The following RYR3 variants were observed in gnomAD, a reference collection of about 807,000 sequenced individuals.
RYR3 encodes ryanodine receptor 3.
RYR3 carries 207 observed loss-of-function variants against 584.3 expected under a neutral mutation model. That is an observed-to-expected ratio of 0.35 (90% CI 0.32 to 0.40). RYR3 has a LOEUF of 0.40. Among genes scored for constraint, RYR3 ranks in the 10% least tolerant of loss-of-function variants. The pLI, the probability that RYR3 is intolerant of heterozygous loss-of-function variation, is 1.00. For synonymous variants in RYR3, 2,416 were observed against 2,248.5 expected, an observed-to-expected ratio of 1.07 and a Z score of -2.11; for missense variants, 5,616 against 6,089.2, an observed-to-expected ratio of 0.92 and a Z score of 2.59.
chr15:33,812,594 G>T (rs1220821329), intron 72 of RYR3, among the ~76,000 whole-genome samples: 1 of 152,140 alleles, frequency 6.6e-6, no homozygotes. Flanking sequence ...TTATAAATTA[G>T]AAGAGTGCTT....
In RYR3 at chr15:33,662,600, T is replaced by G; in HGVS notation, c.5070T>G (p.Ser1690Arg). Residue 1690 changes from serine to arginine, a missense_variant, in exon 35 of 104, where the codon AGT (serine) becomes AGG (arginine). Around this residue, in one of 9 missense-constraint regions of RYR3, gnomAD observed 753 missense variants for 741.0 expected, o/e 1.02. Coordinates refer to ENST00000634891, the MANE Select transcript of RYR3 (RefSeq NM_001036.6). ...QKQSPEIPLE[S>R]LRTKALSMLT... is the part of the protein sequence containing the mutation. ...AGAGCCCCGAGATTCCCTTGGAGAGTCTCAGGACGAAGGCTCTGAGTATGC... is the reference window on the plus strand; with the variant it reads ...AGAGCCCCGAGATTCCCTTGGAGAGGCTCAGGACGAAGGCTCTGAGTATGC... 6.2e-7 allele frequency: 1 copy of G among 1,613,554 alleles called. No individual in the cohort carries two copies. The highest frequency in any genetic ancestry group is 8.5e-7 in the Non-Finnish European group (1 of 1,179,780).
In RYR3 at chr15:33,843,675, A is replaced by G. The variant is rs919478495; in HGVS notation, c.13296+101A>G. The G allele has an allele frequency of 4.7e-6, 4 of 845,168 alleles. No individual in the cohort carries two copies. In the Admixed American group the frequency reaches 6.8e-5, roughly 14 times the overall value. The allele number at this position is 845,168 out of a possible 1,614,324, so 52.4% of individuals were successfully genotyped here. A position where few individuals can be genotyped will look rare whatever the true frequency, so the allele number is the denominator to read the frequency against. ...CAGAATTTGTGCTCTTAATTGTAGC[A>G]AACATTCTAATAGGTAGCAAATTTC... is the stretch of plus-strand genomic sequence containing the variant. On this transcript the variant is annotated intron_variant, in intron 92 of 103. Transcript: ENST00000634891.
chr15:33,671,123 A>G (rs559408494), intron 38 of RYR3, among the ~76,000 whole-genome samples: 1 of 152,264 alleles, frequency 6.6e-6, no homozygotes, highest in South Asian at 2.1e-4. Flanking sequence ...TAATCCTTAT[A>G]CTATAGATGA....
At chr15:33,433,690 GGT>G (rs1227044828) in intron 1 of RYR3, among the ~76,000 whole-genome samples, 2 of 152,180 alleles carry the variant, frequency 1.3e-5, no homozygotes, top group Non-Finnish European at 2.9e-5. Context: ...AAACTAAACT[GGT>G]GTGTGAGAAA....
Position 33,660,278 on chromosome 15 carries a change from C to A in RYR3, c.4477C>A (p.Gln1493Lys). The change falls in exon 34 of 104, where the codon CAA becomes AAA. Residue 1493 changes from glutamine to lysine, a missense_variant. This residue lies in a region of RYR3 where 753 missense variants were observed against 741.0 expected (regional missense o/e 1.02). Coordinates refer to ENST00000634891, the MANE Select transcript of RYR3 (RefSeq NM_001036.6). ...VPQCPPRLDV[Q>K]TIQPVLWSRM... ...ACAGTGTCCACCTCGGCTGGACGTC[C>A]AAACCATCCAGCCCGTGCTCTGGAG... is the stretch of plus-strand genomic sequence containing the variant. 6.4e-7 allele frequency: 1 copy of A among 1,560,508 alleles called. No individual in the cohort carries two copies. The highest frequency in any genetic ancestry group is 2.4e-5 in the East Asian group (1 of 41,476).
chr15:33,525,488 A>G (rs1267533953), intron 3 of RYR3, among the ~76,000 whole-genome samples: 1 of 152,248 alleles, frequency 6.6e-6, no homozygotes, highest in Non-Finnish European at 1.5e-5. Flanking sequence ...TGTCAGTTAA[A>G]TTTAGGGGAA....
chr15:33,730,690 GTT>G (rs1247587090), intron 47 of RYR3, among the ~76,000 whole-genome samples: 1 of 152,196 alleles, frequency 6.6e-6, no homozygotes, highest in African/African-American at 2.4e-5. Context: ...AAGTTCTATA[GTT>G]TTCAAAGATG....
intron 102 of RYR3, among the ~76,000 whole-genome samples, chr15:33,862,960 CTCA>C (rs1218709217): frequency 6.6e-6 from 1 of 152,180 alleles, no homozygotes; most frequent in African/African-American, 2.4e-5. Context: ...TGTGCCCTTC[CTCA>C]TGAGTATTTA....
At chr15:33,560,739 G>C (rs895610511) in intron 10 of RYR3, among the ~76,000 whole-genome samples, 9 of 152,048 alleles carry the variant, frequency 5.9e-5, no homozygotes, top group African/African-American at 2.2e-4. Context: ...AGTATCCATT[G>C]TTTTATAGGA....
rs757734841 is a variant in RYR3, at chr15:33,748,191, C to T, written c.8067C>T (p.Thr2689=). 1.9e-6 allele frequency: 3 copies of T among 1,613,832 alleles called. No individual in the cohort carries two copies. In the East Asian group the frequency reaches 6.7e-5, roughly 36 times the overall value. Residue 2689 remains threonine, a synonymous_variant, in exon 54 of 104, where the codon ACC becomes ACT. Coordinates refer to ENST00000634891, the MANE Select transcript of RYR3 (RefSeq NM_001036.6). ...MLAVGWTVER[T]KEGEALVQQR... is the part of the protein sequence containing the mutation. ...CTGTGGGCTGGACTGTGGAGAGGAC[C>T]AAAGAGGGAGAAGCTTTGGTTCAAC...
rs1238887628 is a variant in RYR3 at position 33,816,894 on chromosome 15, A to G, written c.10535A>G (p.Tyr3512Cys). 4.3e-6 allele frequency: 7 copies of G among 1,612,546 alleles called. No homozygotes were observed. The highest frequency in any genetic ancestry group is 5.9e-6 in the Non-Finnish European group (7 of 1,179,162). ...TCTATTAACCTCTTCCTCCATGGCTATCAGAGATTTTGGATAGAAACAGAG... is the reference window on the plus strand; with the variant it reads ...TCTATTAACCTCTTCCTCCATGGCTGTCAGAGATTTTGGATAGAAACAGAG... ...HRSINLFLHGYQRFWIETEEY... is the reference protein window; with the variant it reads ...HRSINLFLHGCQRFWIETEEY... The change falls in exon 75 of 104, where the codon TAT (tyrosine) becomes TGT (cysteine). Residue 3512 changes from tyrosine to cysteine, a missense_variant. Physicochemically the swap from Tyr to Cys is radical, Grantham distance 194. Around this residue, in one of 9 missense-constraint regions of RYR3, gnomAD observed 954 missense variants for 1,132.2 expected, o/e 0.84. Coordinates refer to ENST00000634891, the MANE Select transcript of RYR3 (RefSeq NM_001036.6).
intron 36 of RYR3, among the ~76,000 whole-genome samples, chr15:33,667,218 A>G (rs2063536878): frequency 6.6e-6 from 1 of 152,182 alleles, no homozygotes; most frequent in South Asian, 2.1e-4. Flanking sequence ...GAAATCCTAA[A>G]CAAAAGGAGT....
At position 33,865,396 on chromosome 15, in the gene RYR3, C is replaced by G. The variant is rs2153030408; in HGVS notation, c.*170C>G. ...TTTGAAATTGATTTGGCTTTTTGTG[C>G]CTAATGGACATACACTGTGGGAGAG... is the stretch of plus-strand genomic sequence containing the variant. On this transcript the variant is annotated 3_prime_UTR_variant, in exon 104 of 104. Coordinates refer to ENST00000634891, the MANE Select transcript of RYR3 (RefSeq NM_001036.6). The G allele has an allele frequency of 1.7e-6, 1 of 588,574 alleles. No individual in the cohort carries two copies. The highest frequency in any genetic ancestry group is 1.9e-5 in the African/African-American group (1 of 53,506). 36.5% of individuals were successfully genotyped at this position (588,574 alleles called of 1,614,324 possible).
chr15:33,563,769 G>C (rs541946323), intron 11 of RYR3, among the ~76,000 whole-genome samples: 8 of 152,244 alleles, frequency 5.3e-5, no homozygotes, highest in Non-Finnish European at 7.3e-5. Flanking sequence ...CAGAATGCAG[G>C]TTATGATAAG....
At chr15:33,343,938 G>C (rs537294455) in intron 1 of RYR3, among the ~76,000 whole-genome samples, 3 of 152,182 alleles carry the variant, frequency 2.0e-5, no homozygotes, top group Non-Finnish European at 4.4e-5. Flanking sequence ...TAGTGGAATG[G>C]AGAAAGGTTA....
chr15:33,629,124 G>C (rs1012748077), intron 21 of RYR3, among the ~76,000 whole-genome samples: 14 of 152,182 alleles, frequency 9.2e-5, no homozygotes, highest in Admixed American at 7.2e-4. Context: ...TCCCACACTT[G>C]TGTATTTATA....
chr15:33,521,702 C>T (rs972679044), intron 3 of RYR3, among the ~76,000 whole-genome samples: 1 of 152,072 alleles, frequency 6.6e-6, no homozygotes, highest in Non-Finnish European at 1.5e-5. Context: ...GTGGGGCTCC[C>T]TGGAGTCAAG....
intron 1 of RYR3, among the ~76,000 whole-genome samples, chr15:33,365,660 A>G (rs1975390503): frequency 1.3e-5 from 2 of 152,216 alleles, no homozygotes; most frequent in Non-Finnish European, 2.9e-5. Context: ...GTACACTTAG[A>G]ATTTTCTAAA....
At chr15:33,599,712 T>A (rs2059569768) in intron 16 of RYR3, among the ~76,000 whole-genome samples, 1 of 152,192 alleles carries the variant, frequency 6.6e-6, no homozygotes, top group Non-Finnish European at 1.5e-5. Context: ...CCAAGGTATT[T>A]TCCTTTCACA....
Sources: allele counts gnomAD v4.1 joint callset (sites outside exome capture counted in the v4.1 genomes callset), GRCh38; gene constraint gnomAD v4.1.1; regional missense constraint gnomAD v4.1.1; transcripts MANE v1.5; gene names NCBI Gene and HGNC (gene_info 2026-07-23, HGNC 2026-07-21).